The following RTN1 variants were observed in gnomAD, a reference collection of about 807,000 sequenced individuals.
RTN1 encodes reticulon-1.
In RTN1, 25 loss-of-function variants were observed where a neutral mutation model predicts 65.5. The ratio of observed to expected loss-of-function variants is 0.38; its 90% CI spans 0.28 to 0.53. RTN1 has a LOEUF of 0.53. Among genes scored for constraint, RTN1 ranks in the 20% least tolerant of loss-of-function variants. RTN1 has a pLI of 0.79. For synonymous variants in RTN1, 471 were observed against 447.6 expected (o/e 1.05, Z -0.66); for missense variants, 983 against 1,025.4 (o/e 0.96, Z 0.57).
chr14:59,813,152 T>C (rs1241350352), intron 1 of RTN1, among the ~76,000 whole-genome samples: 1 of 152,208 alleles, frequency 6.6e-6, no homozygotes, highest in Non-Finnish European at 1.5e-5. Context: ...TAAAAGAAAC[T>C]TGAGTTGTGG....
chr14:59,661,420 A>G (rs1883245065), intron 3 of RTN1, among the ~76,000 whole-genome samples: 1 of 152,188 alleles, frequency 6.6e-6, no homozygotes, highest in African/African-American at 2.4e-5. Context: ...CATCATCCTG[A>G]TAACAAAACC....
At chr14:59,828,157 C>G (rs1379771017) in intron 1 of RTN1, among the ~76,000 whole-genome samples, 1 of 152,204 alleles carries the variant, frequency 6.6e-6, no homozygotes, top group Non-Finnish European at 1.5e-5. Context: ...CTGACATTCC[C>G]TCGTGTATCT....
intron 1 of RTN1, among the ~76,000 whole-genome samples, chr14:59,820,379 T>TTG (rs56248047): frequency 1.5e-4 from 21 of 137,998 alleles, no homozygotes; most frequent in African/African-American, 5.9e-4. Flanking sequence ...TTTTTTTTTT[T>TTG]GCTGTGCAGA....
At chr14:59,714,751 A>G (rs1017563042) in intron 3 of RTN1, among the ~76,000 whole-genome samples, 1 of 152,164 alleles carries the variant, frequency 6.6e-6, no homozygotes, top group African/African-American at 2.4e-5. Flanking sequence ...ACCTCTACCC[A>G]TTACAACATG....
intron 1 of RTN1, among the ~76,000 whole-genome samples, chr14:59,808,271 C>T (rs1886670837): frequency 6.6e-6 from 1 of 152,122 alleles, no homozygotes; most frequent in Non-Finnish European, 1.5e-5. Flanking sequence ...TGTAACTATG[C>T]ATTAAGTCTT....
At chr14:59,663,018 A>C (rs1179333204) in intron 3 of RTN1, among the ~76,000 whole-genome samples, 1 of 152,184 alleles carries the variant, frequency 6.6e-6, no homozygotes, top group African/African-American at 2.4e-5. Flanking sequence ...TTCAAACTAT[A>C]CTACAAGGCT....
Position 59,746,094 on chromosome 14 carries a change from T to C in RTN1, c.629A>G (p.Gln210Arg). The C allele has an allele frequency of 6.2e-7, 1 of 1,613,782 alleles. No individual in the cohort carries two copies. Among genetic ancestry groups the C allele is most frequent in the African/African-American group, 1.3e-5 (1 of 74,970 alleles). The change falls in exon 2 of 9, where the codon CAA (glutamine) becomes CGA (arginine). Residue 210 changes from glutamine (Q) to arginine (R), a missense_variant. Around this residue, in one of 2 missense-constraint regions of RTN1, gnomAD observed 818 missense variants for 801.8 expected, o/e 1.02. Coordinates refer to ENST00000267484, the MANE Select transcript of RTN1 (RefSeq NM_021136.3). The stretch of plus-strand genomic sequence containing the variant: ...TTTATCTTCCAGCTCGGGGTGATGT[T>C]GTTCTTGGTGCTTCACCTCCTCGGG... ...TRPEEVKHQE[Q>R]HHPELEDKDL...
intron 8 of RTN1, 93 bp downstream of exon 8, chr14:59,602,972 C>G: frequency 1.2e-6 from 1 of 867,682 alleles, no homozygotes; most frequent in Non-Finnish European, 1.8e-6. Flanking sequence ...ATCAATCTAT[C>G]ATTTTACTAT....
intron 1 of RTN1, among the ~76,000 whole-genome samples, chr14:59,841,726 AAC>A (rs910810619): frequency 1.3e-5 from 2 of 150,802 alleles, no homozygotes; most frequent in African/African-American, 4.9e-5. Flanking sequence ...CAAAAAAAAA[AAC>A]AGCAGACTCT....
At chr14:59,734,254 G>T (rs922087203) in intron 2 of RTN1, among the ~76,000 whole-genome samples, 2 of 152,140 alleles carry the variant, frequency 1.3e-5, no homozygotes, top group African/African-American at 2.4e-5. Context: ...AAGATCAAAG[G>T]TAGATAAGCC....
At chr14:59,643,789 T>C (rs1486868519) in intron 3 of RTN1, among the ~76,000 whole-genome samples, 9 of 152,124 alleles carry the variant, frequency 5.9e-5, no homozygotes, top group Non-Finnish European at 2.9e-5. Context: ...AACTCTCAGT[T>C]AAAATGTCAG....
rs1410650413 is a variant in RTN1 at position 59,750,286 on chromosome 14, A to C, written c.242-3805T>G. On this transcript the variant is annotated intron_variant, in intron 1 of 8. Coordinates refer to ENST00000267484, the MANE Select transcript of RTN1 (RefSeq NM_021136.3). The stretch of plus-strand genomic sequence containing the variant: ...ATATAATATCTATAATATATAATAT[A>C]TATAATATCTATAATATATAATATA... 7.9e-5 allele frequency among the ~76,000 whole-genome samples: 6 copies of C among 75,644 alleles called. No homozygotes were observed. The East Asian group carries it at 1.8e-3, about 22-fold the overall frequency. The allele number at this position is 75,644 out of a possible 152,430, so 49.6% of individuals were successfully genotyped here.
Position 59,825,684 on chromosome 14 carries a change from T to A in RTN1, c.241+44706A>T, listed in dbSNP as rs1220682980. ...AAAGCACGGTGGCCAAGGAATAGTG[T>A]TACTGTGTGCTCTTAGAGTTACACA... On this transcript the variant is annotated intron_variant, in intron 1 of 8. Coordinates refer to ENST00000267484, the MANE Select transcript of RTN1 (RefSeq NM_021136.3). This position sits in a 1 kb window ranked among gnomAD's most constrained non-coding sequence, Gnocchi z 4.2. Among the ~76,000 whole-genome samples, 1 of 152,208 alleles carries A rather than the reference T, an allele frequency of 6.6e-6. No individual in the cohort carries two copies. Among genetic ancestry groups the A allele is most frequent in the Non-Finnish European group, 1.5e-5 (1 of 68,038 alleles).
At chr14:59,687,961 AC>A (rs1883882792) in intron 3 of RTN1, among the ~76,000 whole-genome samples, 1 of 151,808 alleles carries the variant, frequency 6.6e-6, no homozygotes, top group Admixed American at 6.6e-5. Flanking sequence ...AGCCTGAACC[AC>A]CCCACCATTC....
chr14:59,860,378 C>T (rs796978103), intron 1 of RTN1, among the ~76,000 whole-genome samples: 51 of 152,338 alleles, frequency 3.3e-4, no homozygotes, highest in African/African-American at 1.1e-3. Context: ...GTTTGGGAAC[C>T]TCCACCTAGA....
chr14:59,803,590 C>T lies in RTN1; in HGVS notation c.242-57109G>A, dbSNP rs1243114881. ...AGAATTTTCCTACCTGGGAAATCAG[C>T]ATCATTTACTGCCTCAGAGAAGACA... On this transcript the variant is annotated intron_variant, in intron 1 of 8. Coordinates refer to ENST00000267484, the MANE Select transcript of RTN1 (RefSeq NM_021136.3). This position sits in a 1 kb window ranked among gnomAD's most constrained non-coding sequence, Gnocchi z 5.6. 6.6e-6 allele frequency among the ~76,000 whole-genome samples: 1 copy of T among 152,178 alleles called. No individual in the cohort carries two copies. Among genetic ancestry groups the T allele is most frequent in the Non-Finnish European group, 1.5e-5 (1 of 68,044 alleles).
intron 3 of RTN1, among the ~76,000 whole-genome samples, chr14:59,653,150 AATTTGGAAAGG>A (rs1883053292): frequency 6.6e-6 from 1 of 152,160 alleles, no homozygotes. Context: ...AAAAGACAGA[AATTTGGAAAGG>A]AGGAAGTAAA....
rs1228619760 is a variant in RTN1 at position 59,749,473 on chromosome 14, CTATATATCTATATATATCTA to C, written c.242-3012_242-2993del. On this transcript the variant is annotated intron_variant, in intron 1 of 8. Transcript: ENST00000267484. ...ATATATCTATATATATCTAATCTATCTATATATCTATATATATCTATATATATCTATATATAGATATCTAT... is the reference window on the plus strand; with the variant it reads ...ATATATCTATATATATCTAATCTATCTATATATCTATATATAGATATCTAT... 5.1e-5 allele frequency among the ~76,000 whole-genome samples: 4 copies of C among 79,172 alleles called. 1 individual carries two copies. The highest frequency in any genetic ancestry group is 8.2e-5 in the Non-Finnish European group (4 of 48,700). 51.9% of individuals were successfully genotyped at this position (79,172 alleles called of 152,430 possible).
At chr14:59,784,702 C>A (rs1261013303) in intron 1 of RTN1, among the ~76,000 whole-genome samples, 5 of 152,114 alleles carry the variant, frequency 3.3e-5, no homozygotes, top group African/African-American at 1.2e-4. Context: ...AATATGTTTT[C>A]TCTCTTTATT....
Sources: allele counts gnomAD v4.1 joint callset (sites outside exome capture counted in the v4.1 genomes callset), GRCh38; gene constraint gnomAD v4.1.1; regional missense constraint gnomAD v4.1.1; non-coding constraint Gnocchi (gnomAD v3.1); transcripts MANE v1.5; gene names NCBI Gene and HGNC (gene_info 2026-07-23, HGNC 2026-07-21).